The following PLXNA4 variants were observed in gnomAD, a reference collection of about 807,000 sequenced individuals.
The protein encoded by PLXNA4 is plexin-A4.
Under a neutral mutation model 191.8 loss-of-function variants are expected in PLXNA4, and 44 were observed. That is an observed-to-expected ratio of 0.23 (90% CI 0.18 to 0.29). The LOEUF is 0.29. Among genes scored for constraint, PLXNA4 ranks in the 10% least tolerant of loss-of-function variants. The pLI is 1.00. For missense variants in PLXNA4, 1,800 were observed against 2,488.8 expected, an observed-to-expected ratio of 0.72 and a Z score of 5.89; for synonymous variants, 1,082 against 1,009.5, an observed-to-expected ratio of 1.07 and a Z score of -1.36.
At chr7:132,422,405 C>T (rs375991619) in intron 3 of PLXNA4, among the ~76,000 whole-genome samples, 18 of 152,278 alleles carry the variant, frequency 1.2e-4, no homozygotes, top group Admixed American at 5.2e-4. Context: ...CAGAGAAGCA[C>T]GGAAGGATAT....
At chr7:132,449,673 C>T (rs1034485177) in intron 3 of PLXNA4, among the ~76,000 whole-genome samples, 3 of 152,240 alleles carry the variant, frequency 2.0e-5, no homozygotes, top group African/African-American at 7.2e-5. Flanking sequence ...TCATGCTTCT[C>T]TCTTTCCTGA....
chr7:132,587,036 G>A lies in PLXNA4; in HGVS notation c.-87+58892C>T, dbSNP rs138642473. On this transcript the variant is annotated intron_variant, in intron 2 of 4. Transcript: ENST00000378539. Reference sequence around the variant, plus strand: ...TCGTAAGCTGTATTAAAAGAGAATGGAGTCCCAAAGGAAGCAGTCCCGCTC... The same window carrying A: ...TCGTAAGCTGTATTAAAAGAGAATGAAGTCCCAAAGGAAGCAGTCCCGCTC... Among the ~76,000 whole-genome samples the A allele has an allele frequency of 3.3e-5, 5 of 152,316 alleles. No homozygotes were observed. In the East Asian group the frequency reaches 9.7e-4, roughly 29 times the overall value.
At chr7:132,479,989 A>G (rs1198345075) in intron 3 of PLXNA4, among the ~76,000 whole-genome samples, 2 of 152,084 alleles carry the variant, frequency 1.3e-5, no homozygotes, top group African/African-American at 2.4e-5. Context: ...AGGTTTGACT[A>G]TATAAAGAAC....
chr7:132,328,656 C>A (rs2116682120), intron 3 of PLXNA4, among the ~76,000 whole-genome samples: 1 of 152,280 alleles, frequency 6.6e-6, no homozygotes. Flanking sequence ...GGTGGCGAAA[C>A]TGGAATGCAG....
intron 2 of PLXNA4, among the ~76,000 whole-genome samples, chr7:132,582,312 C>A (rs1040198319): frequency 6.6e-6 from 1 of 152,154 alleles, no homozygotes; most frequent in African/African-American, 2.4e-5. Context: ...GTTGAATGCT[C>A]TTGCCTGGTA....
chr7:132,591,592 A>G (rs967272479), intron 2 of PLXNA4, among the ~76,000 whole-genome samples: 4 of 152,246 alleles, frequency 2.6e-5, no homozygotes, highest in African/African-American at 7.2e-5. Context: ...ATACATGTGT[A>G]TATGTTGGAA....
At position 132,198,528 on chromosome 7, in the gene PLXNA4, C is replaced by T. The variant is rs763272431; in HGVS notation, c.2695G>A (p.Val899Met). 3.2e-5 allele frequency: 51 copies of T among 1,614,244 alleles called. No homozygotes were observed. The highest frequency in any genetic ancestry group is 5.0e-5 in the Admixed American group (3 of 60,028). Reference protein sequence around the residue: ...DIASHVKVAGVECSPLVDGYI... With the variant: ...DIASHVKVAGMECSPLVDGYI... ...CCATCCACTAAAGGGCTGCACTCCACGCCAGCAACCTTGACATGGGAGGCG... is the reference window on the plus strand; with the variant it reads ...CCATCCACTAAAGGGCTGCACTCCATGCCAGCAACCTTGACATGGGAGGCG... Residue 899 changes from valine to methionine, a missense_variant, in exon 13 of 32, where the codon GTG (valine) becomes ATG (methionine). Physicochemically the swap from Val to Met is conservative, Grantham distance 21. Around this residue, in one of 6 missense-constraint regions of PLXNA4, gnomAD observed 1,397 missense variants for 1,880.4 expected, o/e 0.74. Transcript: ENST00000321063.
intron 14 of PLXNA4, among the ~76,000 whole-genome samples, chr7:132,189,009 A>G (rs1796992526): frequency 3.7e-5 from 2 of 54,594 alleles, no homozygotes; most frequent in African/African-American, 1.1e-4. Context: ...AGAGAGAGAG[A>G]GAGAGAGAGA....
At chr7:132,441,673 T>A (rs1795705452) in intron 3 of PLXNA4, among the ~76,000 whole-genome samples, 1 of 152,260 alleles carries the variant, frequency 6.6e-6, no homozygotes, top group Non-Finnish European at 1.5e-5. Flanking sequence ...CATGCCTTTT[T>A]ACATTTCACA....
intron 3 of PLXNA4, among the ~76,000 whole-genome samples, chr7:132,434,090 C>G (rs1054216144): frequency 2.0e-5 from 3 of 152,234 alleles, no homozygotes; most frequent in Non-Finnish European, 4.4e-5. Flanking sequence ...GCAGCCTTGC[C>G]TGACTCCAAG....
At chr7:132,576,729 C>T (rs957289278), upstream of PLXNA4, 11 of 407,914 alleles carry the variant, frequency 2.7e-5, no homozygotes, top group African/African-American at 2.4e-4. This position sits in a 1 kb window ranked among gnomAD's most constrained non-coding sequence, Gnocchi z 5.8. Context: ...CCCCTTTCCT[C>T]CACCCAGCCC....
At chr7:132,279,021 C>T (rs1800380887) in intron 4 of PLXNA4, among the ~76,000 whole-genome samples, 1 of 152,168 alleles carries the variant, frequency 6.6e-6, no homozygotes, top group Non-Finnish European at 1.5e-5. Context: ...GTGGTGATAA[C>T]AATGACTGAA....
At chr7:132,310,559 C>A (rs1268167889) in intron 3 of PLXNA4, among the ~76,000 whole-genome samples, 1 of 152,222 alleles carries the variant, frequency 6.6e-6, no homozygotes, top group Non-Finnish European at 1.5e-5. Flanking sequence ...TACAGGACCA[C>A]CAAACCTCTT....
chr7:132,471,174 G>A (rs1254685419), intron 3 of PLXNA4, among the ~76,000 whole-genome samples: 3 of 152,086 alleles, frequency 2.0e-5, no homozygotes, highest in South Asian at 4.2e-4. Flanking sequence ...TCTATGTGAC[G>A]TGCCTGCTCT....
At chr7:132,477,912 G>A (rs1290507986) in intron 3 of PLXNA4, among the ~76,000 whole-genome samples, 2 of 152,198 alleles carry the variant, frequency 1.3e-5, no homozygotes, top group African/African-American at 2.4e-5. Context: ...GATACATTAT[G>A]AGGCTATTAA....
At chr7:132,367,673 G>A (rs556970941) in intron 3 of PLXNA4, 1 of 152,396 alleles carries the variant, frequency 6.6e-6, no homozygotes, top group Admixed American at 6.5e-5. Flanking sequence ...ACGGTCCAGA[G>A]GAAGGACACA....
intron 4 of PLXNA4, among the ~76,000 whole-genome samples, chr7:132,274,883 CA>C (rs1214800864): frequency 6.7e-6 from 1 of 149,054 alleles, no homozygotes; most frequent in East Asian, 2.0e-4. Flanking sequence ...GTTGGGATTA[CA>C]GGTGAGAGCT....
chr7:132,133,788 A>G (rs983539728), intron 30 of PLXNA4, among the ~76,000 whole-genome samples: 2 of 152,194 alleles, frequency 1.3e-5, no homozygotes, highest in African/African-American at 4.8e-5. Context: ...TTGACATTTT[A>G]TGCACCAAAC....
chr7:132,154,501 C>T (rs1795737185), intron 25 of PLXNA4, among the ~76,000 whole-genome samples: 1 of 151,792 alleles, frequency 6.6e-6, no homozygotes, highest in Non-Finnish European at 1.5e-5. Context: ...GCATTATTTG[C>T]ACTGAAGGTA....
Sources: allele counts gnomAD v4.1 joint callset (sites outside exome capture counted in the v4.1 genomes callset), GRCh38; gene constraint gnomAD v4.1.1; regional missense constraint gnomAD v4.1.1; non-coding constraint Gnocchi (gnomAD v3.1); transcripts MANE v1.5; gene names NCBI Gene and HGNC (gene_info 2026-07-23, HGNC 2026-07-21).